CRAMP1: variants seen among roughly 807,000 people sequenced by gnomAD.
CRAMP1 encodes the protein cramped chromatin regulator 1, also known as protein cramped-like.
In CRAMP1, 50 loss-of-function variants were observed where a neutral mutation model predicts 115.4. That is an observed-to-expected ratio of 0.43 (90% CI 0.35 to 0.55). CRAMP1 has a LOEUF of 0.55. Among genes scored for constraint, CRAMP1 ranks in the 20% least tolerant of loss-of-function variants. CRAMP1 has a pLI of 0.01. For synonymous variants in CRAMP1, 866 were observed against 745.4 expected, an observed-to-expected ratio of 1.16 and a Z score of -2.64; for missense variants, 1,679 against 1,721.7, an observed-to-expected ratio of 0.98 and a Z score of 0.44.
chr16:1,612,718 C>A (rs1374038335), intron 1 of CRAMP1, among the ~76,000 whole-genome samples, 61 bp downstream of exon 1: 1 of 151,916 alleles, frequency 6.6e-6, no homozygotes, highest in Non-Finnish European at 1.5e-5. Context: ...TCCTGTCGGG[C>A]GGCGCGGGAG....
intron 6 of CRAMP1, among the ~76,000 whole-genome samples, chr16:1,642,273 C>T (rs192547268): frequency 2.0e-5 from 3 of 152,342 alleles, no homozygotes; most frequent in Middle Eastern, 3.4e-3. Context: ...TGTCTGATGA[C>T]CTGGGAACCC....
At position 1,666,601 on chromosome 16, in the gene CRAMP1, G is replaced by A. The variant is rs1379156060; in HGVS notation, c.3036+1G>A. ...TGGAGACACCCTCCCCACCGTGGGG[G>A]TGAGTATGTTTAGAAGGGCTTTTCA... is the stretch of plus-strand genomic sequence containing the variant. On this transcript the variant is annotated splice_donor_variant, in intron 16 of 20. Coordinates refer to ENST00000397412, the MANE Select transcript of CRAMP1 (RefSeq NM_020825.4). LOFTEE classifies it high-confidence loss of function. The surrounding 1 kb of genome is among the most constrained non-coding windows in gnomAD (Gnocchi z 5.0). The A allele has an allele frequency of 6.2e-7, 1 of 1,613,424 alleles. No individual in the cohort carries two copies. Among genetic ancestry groups the A allele is most frequent in the Non-Finnish European group, 8.5e-7 (1 of 1,179,484 alleles).
rs2036965799 is a variant in CRAMP1, at chr16:1,676,158, A to C, written c.*2113A>C. The C allele has an allele frequency of 6.6e-6, 1 of 152,260 alleles. No individual in the cohort carries two copies. 9.4% of individuals were successfully genotyped at this position (152,260 alleles called of 1,614,324 possible). A position where few individuals can be genotyped will look rare whatever the true frequency, so the allele number is the denominator to read the frequency against. On this transcript the variant is annotated 3_prime_UTR_variant, in exon 21 of 21. Coordinates refer to ENST00000397412, the MANE Select transcript of CRAMP1 (RefSeq NM_020825.4). Reference sequence around the variant, plus strand: ...GGTACCTGTTAGCCCCTGACAACTCAGTGGGGTGAAGTTTTGGAGGTCAGA... The same window carrying C: ...GGTACCTGTTAGCCCCTGACAACTCCGTGGGGTGAAGTTTTGGAGGTCAGA...
At chr16:1,634,262 G>A (rs943810809) in intron 4 of CRAMP1, among the ~76,000 whole-genome samples, 3 of 152,302 alleles carry the variant, frequency 2.0e-5, no homozygotes, top group Admixed American at 6.5e-5. Context: ...GGCTCCTGGC[G>A]TAGACTTATC....
In CRAMP1 at chr16:1,662,502, C is replaced by G. The variant is rs757079031; in HGVS notation, c.2426C>G (p.Pro809Arg). ...SAPCSSGLRN[P>R]PRPLLVPGPS... ...TCTCCTCTCCCAGGTTTGAGAAACC[C>G]TCCAAGACCCCTCTTGGTGCCTGGT... Residue 809 changes from proline to arginine, a missense_variant, in exon 12 of 21, where the codon CCT (proline) becomes CGT (arginine). Physicochemically the swap from Pro to Arg is moderately radical, Grantham distance 103 (BLOSUM62 -2). This residue lies in a region of CRAMP1 where 709 missense variants were observed against 741.9 expected (regional missense o/e 0.96). Coordinates refer to ENST00000397412, the MANE Select transcript of CRAMP1 (RefSeq NM_020825.4). 6.2e-7 allele frequency: 1 copy of G among 1,613,838 alleles called. No individual in the cohort carries two copies. Among genetic ancestry groups the G allele is most frequent in the Non-Finnish European group, 8.5e-7 (1 of 1,179,776 alleles).
chr16:1,630,989 G>A (rs527842752), intron 3 of CRAMP1, among the ~76,000 whole-genome samples: 145 of 152,344 alleles, frequency 9.5e-4, no homozygotes, highest in African/African-American at 3.3e-3. Context: ...AGGTCTCACC[G>A]TGGCTGGGTC....
At chr16:1,647,613 A>G (rs1469649765) in intron 6 of CRAMP1, among the ~76,000 whole-genome samples, 1 of 151,968 alleles carries the variant, frequency 6.6e-6, no homozygotes, top group Non-Finnish European at 1.5e-5. Context: ...ATGTTGGTGT[A>G]TGCCTGTAGT....
At chr16:1,652,464 G>A in intron 6 of CRAMP1, 32 bp from the exon 7 acceptor site, 1 of 1,535,644 alleles carries the variant, frequency 6.5e-7, no homozygotes, top group African/African-American at 1.4e-5. Flanking sequence ...TCACTCACAG[G>A]CCTCAGCGTT....
At position 1,672,105 on chromosome 16, in the gene CRAMP1, G is replaced by A. The variant is rs1014344514; in HGVS notation, c.3645+1296G>A. ...ACGTGCCCTGAGGCAGCATGCTCACGCCATGCTGTTGAAAGGACGGGCCAC... is the reference window on the plus strand; with the variant it reads ...ACGTGCCCTGAGGCAGCATGCTCACACCATGCTGTTGAAAGGACGGGCCAC... On this transcript the variant is annotated intron_variant, in intron 20 of 20. Coordinates refer to ENST00000397412, the MANE Select transcript of CRAMP1 (RefSeq NM_020825.4). The surrounding 1 kb of genome is among the most constrained non-coding windows in gnomAD (Gnocchi z 4.9). Among the ~76,000 whole-genome samples, 1 of 152,198 alleles carries A rather than the reference G, an allele frequency of 6.6e-6. No individual in the cohort carries two copies. The highest frequency in any genetic ancestry group is 1.5e-5 in the Non-Finnish European group (1 of 68,040).
rs370509468 is a variant in CRAMP1 at position 1,669,066 on chromosome 16, C to A, written c.3400C>A (p.Pro1134Thr). The change falls in exon 19 of 21, where the codon CCG (proline) becomes ACG (threonine). Residue 1134 changes from proline to threonine, a missense_variant. Transcript: ENST00000397412. This position sits in a 1 kb window ranked among gnomAD's most constrained non-coding sequence, Gnocchi z 4.6. ...GSDSSKSLPS[P>T]SSSPQPHWIA... ...TGACAGTTCCAAGAGCCTTCCCTCCCCGTCCAGCAGCCCCCAGCCACACTG... is the reference window on the plus strand; with the variant it reads ...TGACAGTTCCAAGAGCCTTCCCTCCACGTCCAGCAGCCCCCAGCCACACTG... The A allele has an allele frequency of 6.8e-6, 11 of 1,612,580 alleles. No homozygotes were observed. In the Admixed American group the frequency reaches 1.2e-4, roughly 17 times the overall value.
chr16:1,615,021 CT>C, intron 2 of CRAMP1, 36 bp downstream of exon 2: 1 of 1,176,390 alleles, frequency 8.5e-7, no homozygotes, highest in Non-Finnish European at 1.1e-6. Flanking sequence ...ACCCCAGCCC[CT>C]CTCCGGGGTG....
In CRAMP1 at chr16:1,636,300, G is replaced by A. The variant is rs533747403; in HGVS notation, c.695-1524G>A. 1.4e-4 allele frequency among the ~76,000 whole-genome samples: 22 copies of A among 152,212 alleles called. No individual in the cohort carries two copies. In the East Asian group the frequency reaches 3.9e-3, roughly 27 times the overall value. On this transcript the variant is annotated intron_variant, in intron 4 of 20. Coordinates refer to ENST00000397412, the MANE Select transcript of CRAMP1 (RefSeq NM_020825.4). ...GCAGGAGAATCCCTTGAACCTGGGAGGCGGAGGTTGCAGTGAGCTGAGATC... is the reference window on the plus strand; with the variant it reads ...GCAGGAGAATCCCTTGAACCTGGGAAGCGGAGGTTGCAGTGAGCTGAGATC...
Position 1,666,579 on chromosome 16 carries a change from A to G in CRAMP1, c.3015A>G (p.Gly1005=). 2 of 1,613,834 alleles carry G rather than the reference A, an allele frequency of 1.2e-6. No homozygotes were observed. Among genetic ancestry groups the G allele is most frequent in the East Asian group, 4.5e-5 (2 of 44,856 alleles). ...ACTCTACTGGAACTCACCAGGATGG[A>G]GACACCCTCCCCACCGTGGGGGTGA... is the stretch of plus-strand genomic sequence containing the variant. ...GQDSTGTHQD[G]DTLPTVGGSD... The change falls in exon 16 of 21, where the codon GGA becomes GGG. Residue 1005 remains glycine, a synonymous_variant. Transcript: ENST00000397412. The surrounding 1 kb of genome is among the most constrained non-coding windows in gnomAD (Gnocchi z 5.0).
intron 6 of CRAMP1, among the ~76,000 whole-genome samples, chr16:1,649,322 G>T (rs2036703136): frequency 6.6e-6 from 1 of 152,134 alleles, no homozygotes; most frequent in Admixed American, 6.5e-5. Flanking sequence ...GTGGATGGAT[G>T]GATGGACACA....
intron 6 of CRAMP1, among the ~76,000 whole-genome samples, chr16:1,647,724 G>GGGC (rs1005084493): frequency 6.8e-6 from 1 of 147,266 alleles, no homozygotes; most frequent in African/African-American, 2.6e-5. Flanking sequence ...ACTCCAGCCT[G>GGGC]GGCGACAGAG....
chr16:1,628,933 C>T (rs1464691016), intron 3 of CRAMP1, among the ~76,000 whole-genome samples: 1 of 152,212 alleles, frequency 6.6e-6, no homozygotes, highest in Non-Finnish European at 1.5e-5. Context: ...GCTGGGCATG[C>T]TCAGATTCGC....
At chr16:1,633,415 G>A (rs866838975) in intron 4 of CRAMP1, among the ~76,000 whole-genome samples, 3 of 152,294 alleles carry the variant, frequency 2.0e-5, no homozygotes, top group African/African-American at 7.2e-5. Flanking sequence ...GGAAACGGCT[G>A]TTGGTCTCTG....
At position 1,665,192 on chromosome 16, in the gene CRAMP1, C is replaced by T. The variant is rs956811543; in HGVS notation, c.2752+54C>T. On this transcript the variant is annotated intron_variant, in intron 14 of 20. Coordinates refer to ENST00000397412, the MANE Select transcript of CRAMP1 (RefSeq NM_020825.4). ...CTTGTCCCTCCTCCTCACAGGAGGG[C>T]CTTGGCTTTGGAGACAATGGGTGCT... The T allele has an allele frequency of 1.4e-5, 16 of 1,173,660 alleles. No homozygotes were observed. The African/African-American group carries it at 2.4e-4, about 18-fold the overall frequency. The allele number at this position is 1,173,660 out of a possible 1,614,324, so 72.7% of individuals were successfully genotyped here. A position where few individuals can be genotyped will look rare whatever the true frequency, so the allele number is the denominator to read the frequency against.
chr16:1,662,475 C>G lies in CRAMP1; in HGVS notation c.2414-15C>G, dbSNP rs377108290. The G allele has an allele frequency of 6.2e-7, 1 of 1,604,352 alleles. No individual in the cohort carries two copies. Among genetic ancestry groups the G allele is most frequent in the Non-Finnish European group, 8.5e-7 (1 of 1,171,396 alleles). The stretch of plus-strand genomic sequence containing the variant: ...GTGAATGCTGTCACACTGATTCTCT[C>G]CTCTCCTCTCCCAGGTTTGAGAAAC... On this transcript the variant is annotated splice_polypyrimidine_tract_variant and intron_variant, in intron 11 of 20. Coordinates refer to ENST00000397412, the MANE Select transcript of CRAMP1 (RefSeq NM_020825.4).
Sources: allele counts gnomAD v4.1 joint callset (sites outside exome capture counted in the v4.1 genomes callset), GRCh38; gene constraint gnomAD v4.1.1; regional missense constraint gnomAD v4.1.1; non-coding constraint Gnocchi (gnomAD v3.1); transcripts MANE v1.5; gene names NCBI Gene and HGNC (gene_info 2026-07-23, HGNC 2026-07-21).